SOX6: variants seen among roughly 807,000 people sequenced by gnomAD.
The protein encoded by SOX6 is SRY-box transcription factor 6.
In SOX6, 11 loss-of-function variants were observed where a neutral mutation model predicts 97.8. That is an observed-to-expected ratio of 0.11 (90% CI 0.07 to 0.19). The LOEUF is 0.19. Among genes scored for constraint, SOX6 ranks in the 10% least tolerant of loss-of-function variants. SOX6 has a pLI of 1.00. For missense variants in SOX6, 810 were observed against 1,039.5 expected, an observed-to-expected ratio of 0.78 and a Z score of 3.04; for synonymous variants, 360 against 371.4, an observed-to-expected ratio of 0.97 and a Z score of 0.35.
chr11:16,651,117 G>T (rs1452319090), intron 3 of SOX6, among the ~76,000 whole-genome samples: 2 of 151,876 alleles, frequency 1.3e-5, no homozygotes, highest in Non-Finnish European at 2.9e-5. Flanking sequence ...GAGATTAAAA[G>T]AGTAATTTTT....
intron 3 of SOX6, among the ~76,000 whole-genome samples, chr11:16,629,922 T>G (rs979887478): frequency 6.6e-6 from 1 of 152,194 alleles, no homozygotes; most frequent in African/African-American, 2.4e-5. Context: ...TATTTTGTAT[T>G]TATGTGGGAT....
At chr11:16,723,453 C>T (rs1564877890) in intron 2 of SOX6, among the ~76,000 whole-genome samples, 1 of 151,862 alleles carries the variant, frequency 6.6e-6, no homozygotes, top group Non-Finnish European at 1.5e-5. Context: ...ATGTAACAAA[C>T]CTTCACATGT....
rs886206290 is a variant in SOX6 at position 16,689,711 on chromosome 11, T to C, written n.429+25119A>G. 2.0e-5 allele frequency among the ~76,000 whole-genome samples: 3 copies of C among 152,342 alleles called. 1 individual carries two copies. The highest frequency in any genetic ancestry group is 6.8e-3 in the Middle Eastern group (2 of 294). On this transcript the variant is annotated intron_variant and non_coding_transcript_variant, in intron 3 of 5. Coordinates refer to the SOX6 transcript ENST00000524520. Reference sequence around the variant, plus strand: ...CTTAACTGAGTTCAATAGGTTTTGGTATAAAATGCTTTGCTTTTAAGTACA... The same window carrying C: ...CTTAACTGAGTTCAATAGGTTTTGGCATAAAATGCTTTGCTTTTAAGTACA...
chr11:16,037,430 G>A (rs563740203), intron 12 of SOX6, among the ~76,000 whole-genome samples: 1 of 152,292 alleles, frequency 6.6e-6, no homozygotes, highest in Admixed American at 6.5e-5. Context: ...AGCTAAGGAA[G>A]GGCAGGAGTG....
intron 4 of SOX6, among the ~76,000 whole-genome samples, chr11:16,218,881 T>C (rs1852452960): frequency 6.6e-6 from 1 of 152,192 alleles, no homozygotes. Context: ...ATTTTCATGA[T>C]ATTGAATCAT....
intron 1 of SOX6, among the ~76,000 whole-genome samples, chr11:16,364,413 C>G (rs932290328): frequency 6.6e-6 from 1 of 152,114 alleles, no homozygotes; most frequent in African/African-American, 2.4e-5. Context: ...CTGAGCTGCA[C>G]TTACAAACTT....
At chr11:16,105,007 A>G (rs1030338998) in intron 7 of SOX6, among the ~76,000 whole-genome samples, 1 of 152,192 alleles carries the variant, frequency 6.6e-6, no homozygotes, top group African/African-American at 2.4e-5. Flanking sequence ...TTACAAAAAA[A>G]AAATGAAGGG....
chr11:16,420,308 A>G (rs1158063427), intron 1 of SOX6, among the ~76,000 whole-genome samples: 3 of 152,206 alleles, frequency 2.0e-5, no homozygotes, highest in Non-Finnish European at 4.4e-5. Context: ...TTTGCTTTCC[A>G]TGAGTATTTG....
chr11:16,318,594 T>A lies in SOX6; in HGVS notation c.297A>T (p.Pro99=), dbSNP rs1418992305. 2.5e-6 allele frequency: 4 copies of A among 1,613,520 alleles called. No homozygotes were observed. The African/African-American group carries it at 4.0e-5, about 16-fold the overall frequency. Residue 99 remains proline, a synonymous_variant, in exon 3 of 16, where the codon CCA becomes CCT. Transcript: ENST00000683767. The part of the protein sequence containing the change: ...LYSFRNTSTS[P]HKPDEGSRDR... Reference sequence around the variant, plus strand: ...CCCGACTCCCTTCGTCAGGCTTATGTGGTGAGGTAGAGGTATTTCGGAAGG... The same window carrying A: ...CCCGACTCCCTTCGTCAGGCTTATGAGGTGAGGTAGAGGTATTTCGGAAGG...
intron 4 of SOX6, among the ~76,000 whole-genome samples, chr11:16,200,247 G>A (rs1028896087): frequency 6.6e-6 from 1 of 152,098 alleles, no homozygotes; most frequent in Non-Finnish European, 1.5e-5. Flanking sequence ...TCTTAAATCT[G>A]CCTCCTACTC....
At chr11:16,583,967 A>G (rs1848065300) in intron 4 of SOX6, among the ~76,000 whole-genome samples, 1 of 152,148 alleles carries the variant, frequency 6.6e-6, no homozygotes, top group Non-Finnish European at 1.5e-5. Context: ...GCGAGATAAT[A>G]TCACCTTGTG....
intron 4 of SOX6, among the ~76,000 whole-genome samples, chr11:16,561,405 G>A (rs1157841647): frequency 6.6e-6 from 1 of 152,038 alleles, no homozygotes; most frequent in East Asian, 1.9e-4. Context: ...AGATATGAAT[G>A]TAAGTATTTA....
At chr11:16,076,887 G>A (rs1213674085) in intron 9 of SOX6, among the ~76,000 whole-genome samples, 1 of 151,396 alleles carries the variant, frequency 6.6e-6, no homozygotes. Flanking sequence ...CTGAGTAGCT[G>A]GGACTACAGG....
At chr11:16,069,627 T>C (rs555885736) in intron 9 of SOX6, among the ~76,000 whole-genome samples, 1 of 152,328 alleles carries the variant, frequency 6.6e-6, no homozygotes, top group Admixed American at 6.5e-5. Flanking sequence ...ATTATAATCA[T>C]GTTAAGGTGT....
intron 4 of SOX6, among the ~76,000 whole-genome samples, chr11:16,223,608 T>A (rs1263790922): frequency 6.6e-6 from 1 of 152,076 alleles, no homozygotes; most frequent in Non-Finnish European, 1.5e-5. Context: ...GAAACAAAAA[T>A]TGTTTGTATT....
intron 3 of SOX6, among the ~76,000 whole-genome samples, chr11:16,708,146 C>T (rs990726297): frequency 2.0e-5 from 3 of 152,044 alleles, no homozygotes; most frequent in African/African-American, 7.2e-5. Context: ...AATATATTTC[C>T]TTTTAAAGTA....
At chr11:16,459,189 A>G (rs891180573) in intron 1 of SOX6, among the ~76,000 whole-genome samples, 1 of 152,066 alleles carries the variant, frequency 6.6e-6, no homozygotes, top group African/African-American at 2.4e-5. Context: ...CGCTGATCAG[A>G]GTATTAGAAT....
At chr11:15,985,973 CA>C (rs1259415027) in intron 15 of SOX6, among the ~76,000 whole-genome samples, 1 of 152,132 alleles carries the variant, frequency 6.6e-6, no homozygotes, top group Non-Finnish European at 1.5e-5. Context: ...GAGACAATGA[CA>C]GGGGTGATCA....
intron 4 of SOX6, among the ~76,000 whole-genome samples, chr11:16,232,264 A>G (rs1852875732): frequency 6.6e-6 from 1 of 151,982 alleles, no homozygotes; most frequent in African/African-American, 2.4e-5. Flanking sequence ...AAACTATTTC[A>G]ATACTATTTT....
Sources: gnomAD v4.1 joint callset for allele counts (sites outside exome capture counted in the v4.1 genomes callset) on GRCh38, gnomAD v4.1.1 for gene constraint, MANE v1.5 for transcripts, NCBI Gene and HGNC (gene_info 2026-07-23, HGNC 2026-07-21) for gene names.